The following DHX35 variants were observed in gnomAD, a reference collection of about 807,000 sequenced individuals.
The protein encoded by DHX35 is probable ATP-dependent RNA helicase DHX35.
Under a neutral mutation model 99.6 loss-of-function variants are expected in DHX35, and 84 were observed. That is an observed-to-expected ratio of 0.84 (90% CI 0.71 to 1.01). The LOEUF (loss-of-function observed/expected upper bound fraction) is 1.01, where lower values mean the gene tolerates loss of function less well. Ranked by LOEUF, DHX35 falls within the 50% of genes least tolerant of loss-of-function variation. DHX35 has a pLI of 0.00. For missense variants in DHX35, 852 were observed against 888.5 expected (o/e 0.96, Z 0.52); for synonymous variants, 331 against 316.2 (o/e 1.05, Z -0.50).
rs770864640 is a variant in DHX35 at position 39,038,517 on chromosome 20, A to G, written c.2086A>G (p.Lys696Glu). ...QQGTHLSLKAKRAKVQDP is the reference protein window; with the variant it reads ...QQGTHLSLKAERAKVQDP ...GTTGCAGCACCTGTCTCTGAAAGCC[A>G]AAAGGGCCAAGGTCCAGGACCCGTG... Residue 696 changes from lysine (K) to glutamate (E), a missense_variant, in exon 22 of 22, where the codon AAA (lysine) becomes GAA (glutamate). Transcript: ENST00000252011. The G allele has an allele frequency of 4.3e-6, 7 of 1,613,252 alleles. No homozygotes were observed. The highest frequency in any genetic ancestry group is 5.9e-6 in the Non-Finnish European group (7 of 1,179,972).
chr20:39,031,302 C>A (rs2087047002), intron 20 of DHX35, among the ~76,000 whole-genome samples: 1 of 151,418 alleles, frequency 6.6e-6, no homozygotes, highest in African/African-American at 2.4e-5. Context: ...CACAGCTATG[C>A]AGAGATGAAT....
At chr20:38,977,550 A>G (rs1193910816) in intron 3 of DHX35, among the ~76,000 whole-genome samples, 1 of 152,130 alleles carries the variant, frequency 6.6e-6, no homozygotes, top group Non-Finnish European at 1.5e-5. Flanking sequence ...GACATTCCAT[A>G]CATACCTAAA....
chr20:38,971,992 T>TTGTTG (rs2086004248), intron 2 of DHX35, among the ~76,000 whole-genome samples: 2 of 137,476 alleles, frequency 1.5e-5, no homozygotes, highest in East Asian at 4.4e-4. Context: ...CTTGTTTTTT[T>TTGTTG]TGTTTTGTTT....
chr20:39,031,589 G>A (rs761040505), intron 20 of DHX35, among the ~76,000 whole-genome samples: 1 of 151,984 alleles, frequency 6.6e-6, no homozygotes, highest in Non-Finnish European at 1.5e-5. Context: ...CACCCACCTC[G>A]GCCTCCCAAA....
At position 39,034,978 on chromosome 20, in the gene DHX35, T is replaced by C. The variant is rs112555594; in HGVS notation, c.2067+661T>C. On this transcript the variant is annotated intron_variant, in intron 21 of 21. Coordinates refer to ENST00000252011, the MANE Select transcript of DHX35 (RefSeq NM_021931.4). ...TTTCACTATGTTGCCCAGGCTAGTC[T>C]CGAATAACTGGGCTCAAGTGGTGCT... 3.9e-3 allele frequency among the ~76,000 whole-genome samples: 601 copies of C among 152,214 alleles called. 4 individuals are homozygous for C. Among genetic ancestry groups the C allele is most frequent in the African/African-American group, 0.014 (579 of 41,514 alleles).
chr20:38,966,013 G>T (rs553697729), intron 1 of DHX35, among the ~76,000 whole-genome samples: 15 of 152,288 alleles, frequency 9.8e-5, no homozygotes, highest in African/African-American at 3.1e-4. Context: ...ATTGCTTTCT[G>T]GAATGTGCTC....
intron 20 of DHX35, among the ~76,000 whole-genome samples, chr20:39,032,015 A>G (rs867498757): frequency 7.9e-5 from 12 of 152,206 alleles, no homozygotes; most frequent in African/African-American, 9.7e-5. Context: ...TAACATTTCA[A>G]TGGTTAAGTT....
intron 2 of DHX35, 132 bp downstream of exon 2, chr20:38,969,346 A>T (rs1293067350): frequency 4.6e-6 from 5 of 1,092,918 alleles, no homozygotes; most frequent in Non-Finnish European, 6.2e-6. Context: ...ACTGTAAGGG[A>T]TGACTTTTCA....
chr20:39,013,920 A>G (rs2086742089), intron 13 of DHX35, among the ~76,000 whole-genome samples: 1 of 152,232 alleles, frequency 6.6e-6, no homozygotes, highest in South Asian at 2.1e-4. Context: ...AAAAAGTTTA[A>G]CTTTGGTCTT....
At chr20:39,036,108 G>T (rs1217282891) in intron 21 of DHX35, among the ~76,000 whole-genome samples, 2 of 152,310 alleles carry the variant, frequency 1.3e-5, no homozygotes, top group South Asian at 2.1e-4. Context: ...AAGAGGAATG[G>T]TGCAGTGGTC....
chr20:38,990,548 A>G (rs1436729813), intron 5 of DHX35, among the ~76,000 whole-genome samples: 1 of 152,232 alleles, frequency 6.6e-6, no homozygotes, highest in South Asian at 2.1e-4. Context: ...TGTGGATTCA[A>G]CCAACCTTGA....
intron 17 of DHX35, among the ~76,000 whole-genome samples, chr20:39,024,626 T>G (rs1026844284): frequency 1.3e-5 from 2 of 152,236 alleles, no homozygotes; most frequent in Non-Finnish European, 2.9e-5. Flanking sequence ...TATTATTCTA[T>G]GGTTGCCTTC....
At chr20:39,016,755 C>T (rs181422813) in intron 14 of DHX35, among the ~76,000 whole-genome samples, 1 of 152,062 alleles carries the variant, frequency 6.6e-6, no homozygotes, top group Non-Finnish European at 1.5e-5. Flanking sequence ...ATTTGCGTTT[C>T]CCTGATGAGT....
chr20:39,032,988 T>G (rs2087082776), intron 20 of DHX35, among the ~76,000 whole-genome samples: 1 of 152,066 alleles, frequency 6.6e-6, no homozygotes, highest in Non-Finnish European at 1.5e-5. Context: ...GCCTGTCATC[T>G]CAGCACTTTT....
intron 20 of DHX35, among the ~76,000 whole-genome samples, chr20:39,032,459 ACTGTG>A (rs2087071541): frequency 6.6e-6 from 1 of 152,276 alleles, no homozygotes; most frequent in East Asian, 1.9e-4. Context: ...GGCGTGAGCC[ACTGTG>A]CCTGGCCCAG....
At chr20:38,987,361 C>G (rs2086266796) in intron 4 of DHX35, among the ~76,000 whole-genome samples, 1 of 152,118 alleles carries the variant, frequency 6.6e-6, no homozygotes, top group Admixed American at 6.5e-5. Flanking sequence ...CTGCCTCAGC[C>G]TCCTGCGAGT....
chr20:38,972,159 T>A (rs1022570172), intron 2 of DHX35, among the ~76,000 whole-genome samples: 1 of 151,954 alleles, frequency 6.6e-6, no homozygotes, highest in African/African-American at 2.4e-5. Context: ...ACAGGCACTT[T>A]CCACTGCGCC....
At position 39,002,808 on chromosome 20, in the gene DHX35, T is replaced by C; in HGVS notation, c.792T>C (p.Thr264=). The C allele has an allele frequency of 2.5e-6, 4 of 1,614,198 alleles. No homozygotes were observed. The highest frequency in any genetic ancestry group is 2.2e-5 in the East Asian group (1 of 44,868). ...VPDYIKSTVE[T]VVKIHQTEGD... ...ATTATATCAAATCAACTGTCGAAACTGTGGTGAAAATTCACCAGACAGAGG... is the reference window on the plus strand; with the variant it reads ...ATTATATCAAATCAACTGTCGAAACCGTGGTGAAAATTCACCAGACAGAGG... Residue 264 remains threonine (T), a synonymous_variant, in exon 10 of 22, where the codon ACT becomes ACC. Transcript: ENST00000252011.
intron 4 of DHX35, 92 bp downstream of exon 4, chr20:38,983,868 T>C (rs2086211214): frequency 3.5e-6 from 4 of 1,148,130 alleles, no homozygotes; most frequent in Non-Finnish European, 5.1e-6. Flanking sequence ...TGAATAGAAG[T>C]TGCTCCTTAA....
Sources: allele counts gnomAD v4.1 joint callset (sites outside exome capture counted in the v4.1 genomes callset), GRCh38; gene constraint gnomAD v4.1.1; transcripts MANE v1.5; gene names NCBI Gene and HGNC (gene_info 2026-07-23, HGNC 2026-07-21).